The following SVEP1 variants were observed in gnomAD, a reference collection of about 807,000 sequenced individuals.
SVEP1 encodes the protein sushi, von Willebrand factor type A, EGF and pentraxin domain containing 1.
SVEP1 carries 164 observed loss-of-function variants against 367.3 expected under a neutral mutation model. The observed-to-expected ratio is 0.45, with a 90% confidence interval of 0.39 to 0.51. SVEP1 has a LOEUF of 0.51. SVEP1 is among the 20% of genes least tolerant of loss of function. The probability of loss-of-function intolerance (pLI) is 0.00; values close to 1 mark genes in which losing one functional copy is unlikely to be tolerated. For missense variants in SVEP1, 4,117 were observed against 4,425.3 expected, an observed-to-expected ratio of 0.93 and a Z score of 1.98; for synonymous variants, 1,666 against 1,611.6, an observed-to-expected ratio of 1.03 and a Z score of -0.81.
intron 1 of SVEP1, among the ~76,000 whole-genome samples, chr9:110,578,348 A>T (rs928435169): frequency 7.0e-6 from 1 of 142,736 alleles, no homozygotes; most frequent in African/African-American, 2.5e-5. Context: ...TGGCTTTTTT[A>T]AAGTGATGAA....
intron 12 of SVEP1, 71 bp from the exon 13 acceptor site, chr9:110,479,827 A>G (rs926511240): frequency 1.3e-6 from 2 of 1,548,714 alleles, no homozygotes; most frequent in Non-Finnish European, 1.7e-6. Flanking sequence ...TTTCTATGAA[A>G]TAATTGAAAC....
chr9:110,393,101 C>CA (rs1195169811), intron 40 of SVEP1, among the ~76,000 whole-genome samples: 1 of 152,172 alleles, frequency 6.6e-6, no homozygotes, highest in Admixed American at 6.5e-5. Context: ...TATATTTCCA[C>CA]AAATTTTTAA....
At chr9:110,540,839 T>C (rs1370286174) in intron 3 of SVEP1, among the ~76,000 whole-genome samples, 4 of 152,210 alleles carry the variant, frequency 2.6e-5, no homozygotes, top group Non-Finnish European at 4.4e-5. Flanking sequence ...ATCAGGATCT[T>C]GTCCATGAAG....
At chr9:110,562,469 C>G (rs1830444897) in intron 1 of SVEP1, among the ~76,000 whole-genome samples, 2 of 152,044 alleles carry the variant, frequency 1.3e-5, no homozygotes, top group Non-Finnish European at 2.9e-5. Flanking sequence ...ATGCTAATGT[C>G]AAGAGGTCAA....
In SVEP1 at chr9:110,392,133, T is replaced by TTTTATA. The variant is rs1554710906; in HGVS notation, c.9823-2547_9823-2546insTATAAA. On this transcript the variant is annotated intron_variant, in intron 40 of 47. Transcript: ENST00000374469. ...CATTAACTTGTGACCCAATTCCTCA[T>TTTTATA]TATATATATATATATATATATCTCT... 7.7e-3 allele frequency among the ~76,000 whole-genome samples: 767 copies of TTTTATA among 99,640 alleles called. 26 individuals carry two copies. The highest frequency in any genetic ancestry group is 0.026 in the African/African-American group (682 of 25,832). The allele number at this position is 99,640 out of a possible 152,430, so 65.4% of individuals were successfully genotyped here. A position where few individuals can be genotyped will look rare whatever the true frequency, so the allele number is the denominator to read the frequency against.
intron 42 of SVEP1, among the ~76,000 whole-genome samples, chr9:110,386,334 A>T (rs1204712488): frequency 3.3e-5 from 5 of 152,232 alleles, no homozygotes; most frequent in Non-Finnish European, 7.3e-5. Flanking sequence ...GAAGATGACA[A>T]TTTATGCCTG....
rs373094127 is a variant in SVEP1 at position 110,450,240 on chromosome 9, C to T, written c.3922G>A (p.Val1308Ile). 87 of 1,613,670 alleles carry T rather than the reference C, an allele frequency of 5.4e-5. No homozygotes were observed. Among genetic ancestry groups the T allele is most frequent in the Non-Finnish European group, 7.0e-5 (82 of 1,179,802 alleles). The change falls in exon 24 of 48, where the codon GTC becomes ATC. Residue 1308 changes from valine to isoleucine, a missense_variant. By Grantham distance (29) the Val-to-Ile change is conservative. This residue lies in a region of SVEP1 where 2,174 missense variants were observed against 2,494.3 expected (regional missense o/e 0.87). Transcript: ENST00000374469. The stretch of plus-strand genomic sequence containing the variant: ...CATGGGTTTGACTGGCATTCATTGA[C>T]TTCTGTTTCACAATGCAGGCCTGAG... ...GFVGLHCETEVNECQSNPCLN... is the reference protein window; with the variant it reads ...GFVGLHCETEINECQSNPCLN...
At position 110,439,866 on chromosome 9, in the gene SVEP1, T is replaced by C. The variant is rs537864594; in HGVS notation, c.4640-3362A>G. Among the ~76,000 whole-genome samples, 57 of 152,348 alleles carry C rather than the reference T, an allele frequency of 3.7e-4. 1 individual carries two copies. In the South Asian group the frequency reaches 0.012, roughly 31 times the overall value. ...TCAGCAAGCTATTTCCTTAGGTGGT[T>C]ACTGTAAGAGTTTCTTGGTTTTATT... On this transcript the variant is annotated intron_variant, in intron 27 of 47. Transcript: ENST00000374469.
Position 110,499,108 on chromosome 9 carries a change from G to A in SVEP1, c.1614C>T (p.Val538=). The change falls in exon 7 of 48, where the codon GTC becomes GTT. Residue 538 remains valine (V), a synonymous_variant. Coordinates refer to ENST00000374469, the MANE Select transcript of SVEP1 (RefSeq NM_153366.4). ...SCRQGFILSG[V]KEMLRCTTSG... ...AAGTGGTACATCTCAGCATTTCTTT[G>A]ACTCCAGATAAAATGAACCCTTGGC... 6.2e-7 allele frequency: 1 copy of A among 1,613,726 alleles called. No individual in the cohort carries two copies. The highest frequency in any genetic ancestry group is 8.5e-7 in the Non-Finnish European group (1 of 1,179,800).
chr9:110,431,310 G>C (rs1460271905), intron 32 of SVEP1, among the ~76,000 whole-genome samples: 1 of 151,052 alleles, frequency 6.6e-6, no homozygotes. Flanking sequence ...AAATGTGCCT[G>C]ATATAATATT....
intron 40 of SVEP1, among the ~76,000 whole-genome samples, chr9:110,397,507 G>C (rs1340563102): frequency 6.6e-6 from 1 of 152,132 alleles, no homozygotes; most frequent in Admixed American, 6.6e-5. Context: ...AATCAGGCAG[G>C]AGAAGGAAAT....
At chr9:110,547,519 G>A (rs918370421) in intron 2 of SVEP1, among the ~76,000 whole-genome samples, 2 of 152,152 alleles carry the variant, frequency 1.3e-5, no homozygotes, top group Non-Finnish European at 2.9e-5. Context: ...AGGCTGCAGC[G>A]AGGTGTGATC....
chr9:110,433,398 ATCAGGTGGT>A, intron 30 of SVEP1, among the ~76,000 whole-genome samples: 1 of 144,568 alleles, frequency 6.9e-6, no homozygotes. Context: ...CGGTGAATAT[ATCAGGTGGT>A]AACAGGTGCT....
At chr9:110,423,475 G>A (rs1008498111) in intron 36 of SVEP1, among the ~76,000 whole-genome samples, 1 of 152,128 alleles carries the variant, frequency 6.6e-6, no homozygotes. Context: ...TAAAAGGGAA[G>A]TAAAAAGGTA....
chr9:110,374,444 G>A (rs1272673445), intron 46 of SVEP1, among the ~76,000 whole-genome samples: 2 of 152,126 alleles, frequency 1.3e-5, no homozygotes, highest in Non-Finnish European at 2.9e-5. Context: ...GAGGTCAGGA[G>A]TTCAAGATCA....
At chr9:110,372,738 G>A (rs1465274029) in intron 46 of SVEP1, among the ~76,000 whole-genome samples, 3 of 152,134 alleles carry the variant, frequency 2.0e-5, no homozygotes, top group Non-Finnish European at 2.9e-5. Context: ...GGGAGGAGAA[G>A]AGGCTGCTTG....
intron 36 of SVEP1, among the ~76,000 whole-genome samples, chr9:110,424,019 C>A (rs1828215014): frequency 6.6e-6 from 1 of 152,178 alleles, no homozygotes; most frequent in Admixed American, 6.5e-5. Flanking sequence ...AGTTGTGGAG[C>A]TAGGGAAGCT....
Position 110,446,030 on chromosome 9 carries a change from T to G in SVEP1, c.4270A>C (p.Thr1424Pro), listed in dbSNP as rs1828591717. ...SGKRCETEQS[T>P]GFNLDFEVSG... ...ACTTCAAAATCCAGGTTAAAGCCTG[T>G]AGACTGTTCTGCAATGAATAAGAAA... The change falls in exon 26 of 48, where the codon ACA (threonine) becomes CCA (proline). Residue 1424 changes from threonine (T) to proline (P), a missense_variant. Thr to Pro is a conservative substitution (Grantham distance 38). Around this residue, in one of 4 missense-constraint regions of SVEP1, gnomAD observed 2,174 missense variants for 2,494.3 expected, o/e 0.87. Transcript: ENST00000374469. The G allele has an allele frequency of 6.2e-7, 1 of 1,609,332 alleles. No individual in the cohort carries two copies. Among genetic ancestry groups the G allele is most frequent in the East Asian group, 2.2e-5 (1 of 44,760 alleles).
At chr9:110,566,561 T>C (rs1466621047) in intron 1 of SVEP1, among the ~76,000 whole-genome samples, 5 of 152,134 alleles carry the variant, frequency 3.3e-5, no homozygotes, top group Non-Finnish European at 7.4e-5. Context: ...ACCAACATTT[T>C]ATGCAGAACA....
Sources: allele counts gnomAD v4.1 joint callset (sites outside exome capture counted in the v4.1 genomes callset), GRCh38; gene constraint gnomAD v4.1.1; regional missense constraint gnomAD v4.1.1; transcripts MANE v1.5; gene names NCBI Gene and HGNC (gene_info 2026-07-23, HGNC 2026-07-21).